Variants in MTHFD2L observed in about 807,000 individuals in gnomAD.
MTHFD2L encodes methylenetetrahydrofolate dehydrogenase (NADP+ dependent) 2 like, also known as bifunctional methylenetetrahydrofolate dehydrogenase/cyclohydrolase 2, mitochondrial.
A neutral mutation model predicts 34.9 loss-of-function variants in MTHFD2L; 29 were observed. The ratio of observed to expected loss-of-function variants is 0.83; its 90% confidence interval spans 0.62 to 1.13. The LOEUF (loss-of-function observed/expected upper bound fraction) is 1.13, where lower values mean the gene tolerates loss of function less well. Among genes scored for constraint, MTHFD2L ranks in the 50% most tolerant of loss-of-function variants. The pLI is 0.00. For synonymous variants in MTHFD2L, 167 were observed against 155.7 expected (o/e 1.07, Z -0.54); for missense variants, 481 against 446.5 (o/e 1.08, Z -0.70).
At chr4:74,300,892 A>G (rs1340614732) in intron 7 of MTHFD2L, among the ~76,000 whole-genome samples, 2 of 152,096 alleles carry the variant, frequency 1.3e-5, no homozygotes, top group Non-Finnish European at 2.9e-5. Context: ...ATTTGGACAA[A>G]TAATCTCATA....
chr4:74,131,034 A>G (rs1722456142), intron 1 of MTHFD2L, among the ~76,000 whole-genome samples: 1 of 152,188 alleles, frequency 6.6e-6, no homozygotes, highest in African/African-American at 2.4e-5. Flanking sequence ...CTTACAAGGG[A>G]TGTGAAGGAC....
intron 2 of MTHFD2L, among the ~76,000 whole-genome samples, chr4:74,117,797 C>T (rs550109420): frequency 6.6e-6 from 1 of 152,160 alleles, no homozygotes; most frequent in Non-Finnish European, 1.5e-5. Flanking sequence ...TCTTTTCACC[C>T]ATCACTTTTG....
chr4:74,266,733 G>A (rs1745328095), intron 6 of MTHFD2L: 1 of 370,740 alleles, frequency 2.7e-6, no homozygotes. Flanking sequence ...TAAGAAGTAA[G>A]GTCTCCACTT....
At chr4:74,243,002 T>C (rs1259319690) in intron 6 of MTHFD2L, among the ~76,000 whole-genome samples, 1 of 152,196 alleles carries the variant, frequency 6.6e-6, no homozygotes, top group Non-Finnish European at 1.5e-5. Flanking sequence ...TAGACACTAA[T>C]CAAATGACAA....
chr4:74,150,064 G>A (rs922988092), intron 1 of MTHFD2L, among the ~76,000 whole-genome samples: 5 of 152,136 alleles, frequency 3.3e-5, no homozygotes, highest in Non-Finnish European at 7.4e-5. Flanking sequence ...CGACATTCTT[G>A]GCTTTGAAGA....
intron 6 of MTHFD2L, among the ~76,000 whole-genome samples, chr4:74,243,337 G>A (rs1741972261): frequency 6.6e-6 from 1 of 152,082 alleles, no homozygotes; most frequent in South Asian, 2.1e-4. Flanking sequence ...GGTTATCTTT[G>A]TACTCCCAAA....
At chr4:74,266,502 A>G (rs759871059) in intron 6 of MTHFD2L, among the ~76,000 whole-genome samples, 21 of 152,138 alleles carry the variant, frequency 1.4e-4, no homozygotes, top group Non-Finnish European at 2.8e-4. Context: ...TAGGAAAAAT[A>G]TATTTTTGTT....
At chr4:74,297,674 G>A (rs753884730) in intron 7 of MTHFD2L, among the ~76,000 whole-genome samples, 6 of 152,006 alleles carry the variant, frequency 3.9e-5, no homozygotes, top group Non-Finnish European at 7.4e-5. Context: ...GCCAATGAGA[G>A]GTTATTCTGG....
At chr4:74,251,421 C>G (rs1743292804) in intron 6 of MTHFD2L, among the ~76,000 whole-genome samples, 1 of 152,216 alleles carries the variant, frequency 6.6e-6, no homozygotes, top group Admixed American at 6.5e-5. Flanking sequence ...TGTACTCCAG[C>G]TTCATCACCA....
At chr4:74,264,618 C>G (rs1380488142) in intron 6 of MTHFD2L, among the ~76,000 whole-genome samples, 3 of 151,446 alleles carry the variant, frequency 2.0e-5, no homozygotes, top group African/African-American at 7.3e-5. Context: ...TTGAGAGATG[C>G]TTTATCTATA....
intron 3 of MTHFD2L, among the ~76,000 whole-genome samples, chr4:74,186,292 G>A (rs1731221372): frequency 6.6e-6 from 1 of 151,822 alleles, no homozygotes; most frequent in Non-Finnish European, 1.5e-5. Flanking sequence ...ATGAAACACT[G>A]AGTGTTTTCC....
chr4:74,284,531 G>T (rs1156486300), intron 7 of MTHFD2L, among the ~76,000 whole-genome samples: 232 of 143,812 alleles, frequency 1.6e-3, no homozygotes, highest in Middle Eastern at 3.6e-3. Context: ...GGGGTTGTTT[G>T]TTTTTTTTTT....
At chr4:74,281,585 A>G (rs1747488944) in intron 7 of MTHFD2L, 35 bp downstream of exon 7, 2 of 1,570,414 alleles carry the variant, frequency 1.3e-6, no homozygotes, top group Non-Finnish European at 1.7e-6. Context: ...GGTGAAGAAG[A>G]TAAAAAAATT....
chr4:74,224,199 C>A (rs1437110427), intron 5 of MTHFD2L: 1 of 152,108 alleles, frequency 6.6e-6, no homozygotes, highest in Non-Finnish European at 1.5e-5. Flanking sequence ...GAAGGCTCTT[C>A]TGCCTTTATT....
chr4:74,132,355 T>C (rs1722580623), intron 1 of MTHFD2L, among the ~76,000 whole-genome samples: 1 of 152,066 alleles, frequency 6.6e-6, no homozygotes, highest in Non-Finnish European at 1.5e-5. Context: ...CCATCAATGA[T>C]AGATTGGATA....
chr4:74,282,431 G>T (rs1193716392), intron 7 of MTHFD2L, among the ~76,000 whole-genome samples: 1 of 147,956 alleles, frequency 6.8e-6, no homozygotes, highest in Non-Finnish European at 1.5e-5. Flanking sequence ...AAACTGAAAA[G>T]AATAGGTGAT....
chr4:74,285,163 G>C (rs1034820771), intron 7 of MTHFD2L, among the ~76,000 whole-genome samples: 9 of 151,774 alleles, frequency 5.9e-5, no homozygotes, highest in African/African-American at 2.2e-4. Context: ...ACACAGGAAG[G>C]GAAACATCAC....
At chr4:74,243,112 C>T (rs12641718) in intron 6 of MTHFD2L, among the ~76,000 whole-genome samples, 1 of 152,180 alleles carries the variant, frequency 6.6e-6, no homozygotes, top group Non-Finnish European at 1.5e-5. Flanking sequence ...GTTAGGATTG[C>T]TGTGGCACAG....
intron 4 of MTHFD2L, 68 bp downstream of exon 4, chr4:74,200,014 T>C: frequency 7.0e-7 from 1 of 1,430,490 alleles, no homozygotes; most frequent in East Asian, 2.3e-5. Flanking sequence ...CACTGAGACT[T>C]GATGGGACTA....
Sources: allele counts gnomAD v4.1 joint callset (sites outside exome capture counted in the v4.1 genomes callset), GRCh38; gene constraint gnomAD v4.1.1; transcripts MANE v1.5; gene names NCBI Gene and HGNC (gene_info 2026-07-23, HGNC 2026-07-21).